Variants in C3orf52 observed in about 807,000 individuals in gnomAD.
The protein encoded by C3orf52 is chromosome 3 open reading frame 52.
C3orf52 carries 22 observed loss-of-function variants against 24.8 expected under a neutral mutation model. The observed-to-expected ratio is 0.89, with a 90% CI of 0.63 to 1.27. The LOEUF (loss-of-function observed/expected upper bound fraction) is 1.27. Ranked by LOEUF, C3orf52 falls within the 50% of genes most tolerant of loss-of-function variation. The pLI, the probability that C3orf52 is intolerant of heterozygous loss-of-function variation, is 0.00. For missense variants in C3orf52, 265 were observed against 260.7 expected, an observed-to-expected ratio of 1.02 and a Z score of -0.11; for synonymous variants, 93 against 100.2, an observed-to-expected ratio of 0.93 and a Z score of 0.43.
chr3:112,116,535 T>C, intron 5 of C3orf52, 107 bp from the exon 6 acceptor site: 1 of 1,078,822 alleles, frequency 9.3e-7, no homozygotes, highest in South Asian at 1.7e-5. Flanking sequence ...CCTTGCAATT[T>C]TATCTAAGAT....
chr3:112,102,661 A>G (rs2073984137), intron 2 of C3orf52, among the ~76,000 whole-genome samples, 177 bp from the exon 3 acceptor site: 1 of 151,866 alleles, frequency 6.6e-6, no homozygotes, highest in African/African-American at 2.4e-5. Flanking sequence ...CCTGTATTTT[A>G]CTCAATTTTG....
downstream of C3orf52, chr3:112,130,732 T>A (rs975839867): frequency 1.2e-5 from 7 of 565,890 alleles, no homozygotes; most frequent in Non-Finnish European, 1.9e-5. Context: ...CCCACTGATG[T>A]TCTCCAACCT....
At chr3:112,113,400 A>G (rs187770061) in intron 5 of C3orf52, among the ~76,000 whole-genome samples, 55 of 152,354 alleles carry the variant, frequency 3.6e-4, no homozygotes, top group Admixed American at 3.3e-4. Flanking sequence ...TAATTCAACT[A>G]TAAAGATGAA....
rs183692572 is a variant in C3orf52 at position 112,114,766 on chromosome 3, G to T, written c.649+1621G>T. ...CCATGTGAAGAGGCCTGCGATGCCTGTGGGGGCTGCTGCTGTGGTGTGGTT... is the reference window on the plus strand; with the variant it reads ...CCATGTGAAGAGGCCTGCGATGCCTTTGGGGGCTGCTGCTGTGGTGTGGTT... On this transcript the variant is annotated intron_variant, in intron 5 of 5. Transcript: ENST00000264848. Among the ~76,000 whole-genome samples, 50 of 152,306 alleles carry T rather than the reference G, an allele frequency of 3.3e-4. 1 individual carries two copies. The East Asian group carries it at 8.7e-3, about 26-fold the overall frequency.
In C3orf52 at chr3:112,109,563, A is replaced by G. The variant is rs2074057838; in HGVS notation, c.417A>G (p.Thr139=). 6 of 1,601,232 alleles carry G rather than the reference A, an allele frequency of 3.7e-6. No individual in the cohort carries two copies. The highest frequency in any genetic ancestry group is 3.3e-5 in the South Asian group (3 of 90,378). The change falls in exon 4 of 6, where the codon ACA becomes ACG. Residue 139 remains threonine (T), a synonymous_variant. Coordinates refer to ENST00000264848, the MANE Select transcript of C3orf52 (RefSeq NM_024616.3). ...LTERLTDVYS[T]SPSLGRYFTS... is the part of the protein sequence containing the mutation. ...TTTAGCTCACAGATGTGTACAGTAC[A>G]TCGCCCTCTCTGGGTCGTTATTTTA...
intron 1 of C3orf52, among the ~76,000 whole-genome samples, chr3:112,086,763 C>A (rs1447552347): frequency 6.6e-6 from 1 of 152,234 alleles, no homozygotes; most frequent in Non-Finnish European, 1.5e-5. Context: ...TCCAACCCCT[C>A]TGACCCCCGA....
At chr3:112,098,491 T>A (rs340155) in intron 2 of C3orf52, among the ~76,000 whole-genome samples, 14,369 of 152,004 alleles carry the variant, frequency 0.095, 1,258 homozygotes, top group African/African-American at 0.24. Context: ...TAGATCTACA[T>A]CTGTACAATT....
In C3orf52 at chr3:112,112,944, T is replaced by A; in HGVS notation, c.468-20T>A. ...CAGTATGATGCTGTTTATGTTTTAA[T>A]GTCTTCCATTGCCTTTCAGTGGTGA... On this transcript the variant is annotated intron_variant, in intron 4 of 5. Transcript: ENST00000264848. 1 of 1,593,480 alleles carries A rather than the reference T, an allele frequency of 6.3e-7. No homozygotes were observed. Among genetic ancestry groups the A allele is most frequent in the Non-Finnish European group, 8.6e-7 (1 of 1,166,796 alleles).
intron 4 of C3orf52, chr3:112,125,313 G>A (rs2074292083): frequency 3.5e-6 from 4 of 1,142,718 alleles, no homozygotes; most frequent in African/African-American, 1.5e-5. Flanking sequence ...GAAGGGAAGA[G>A]CAGGGGAGGC....
chr3:112,114,238 G>A (rs1283480873), intron 5 of C3orf52, among the ~76,000 whole-genome samples: 2 of 152,120 alleles, frequency 1.3e-5, no homozygotes, highest in Admixed American at 1.3e-4. Flanking sequence ...AGAACGTTAT[G>A]TAAAACAGTT....
downstream of C3orf52, chr3:112,133,158 A>C (rs1363271031): frequency 6.2e-7 from 1 of 1,611,736 alleles, no homozygotes; most frequent in Non-Finnish European, 8.5e-7. Context: ...CCGTCCCTTT[A>C]CCACTTCCTT....
At chr3:112,100,259 G>A (rs1012780637) in intron 2 of C3orf52, among the ~76,000 whole-genome samples, 9 of 152,140 alleles carry the variant, frequency 5.9e-5, no homozygotes, top group East Asian at 3.8e-4. Flanking sequence ...GGTATCTGGC[G>A]TTTAAGGGCT....
At chr3:112,114,842 A>G (rs1559976452) in intron 5 of C3orf52, among the ~76,000 whole-genome samples, 1 of 152,168 alleles carries the variant, frequency 6.6e-6, no homozygotes, top group Non-Finnish European at 1.5e-5. Flanking sequence ...GCTCTTTCCA[A>G]ATGGAGGCCA....
chr3:112,104,477 AG>A (rs1255426577), intron 3 of C3orf52, among the ~76,000 whole-genome samples: 13 of 152,184 alleles, frequency 8.5e-5, no homozygotes, highest in African/African-American at 2.4e-4. Flanking sequence ...GATTCCATCC[AG>A]GTCACATCAG....
downstream of C3orf52, among the ~76,000 whole-genome samples, chr3:112,131,330 T>C (rs2074445982): frequency 1.3e-5 from 2 of 152,294 alleles, no homozygotes; most frequent in Non-Finnish European, 2.9e-5. Flanking sequence ...CATTCTATTC[T>C]GTGCAAAATT....
chr3:112,128,052 A>G, intron 4 of C3orf52: 1 of 1,613,746 alleles, frequency 6.2e-7, no homozygotes, highest in South Asian at 1.1e-5. Context: ...CGATATGGTG[A>G]TCCCAGCATC....
At chr3:112,099,349 T>TA (rs2073952503) in intron 2 of C3orf52, among the ~76,000 whole-genome samples, 1 of 152,166 alleles carries the variant, frequency 6.6e-6, no homozygotes, top group Admixed American at 6.5e-5. Flanking sequence ...GACCATAACA[T>TA]ATCCTTCATC....
intron 4 of C3orf52, chr3:112,123,519 G>A: frequency 6.2e-7 from 1 of 1,614,218 alleles, no homozygotes; most frequent in Non-Finnish European, 8.5e-7. Context: ...CAGAAAGTGA[G>A]AGGAGATTCT....
intron 4 of C3orf52, among the ~76,000 whole-genome samples, chr3:112,110,684 T>C (rs1297744304): frequency 2.0e-5 from 3 of 152,238 alleles, no homozygotes; most frequent in Admixed American, 6.5e-5. Flanking sequence ...TTAAAATTTA[T>C]ATCAAAGCTT....
Sources: allele counts gnomAD v4.1 joint callset (sites outside exome capture counted in the v4.1 genomes callset), GRCh38; gene constraint gnomAD v4.1.1; transcripts MANE v1.5; gene names NCBI Gene and HGNC (gene_info 2026-07-23, HGNC 2026-07-21).